CNOT6L: variants seen among roughly 807,000 people sequenced by gnomAD.
CNOT6L encodes CCR4-NOT transcription complex subunit 6 like.
CNOT6L carries 7 observed loss-of-function variants against 64.0 expected under a neutral mutation model. The ratio of observed to expected loss-of-function variants is 0.11; its 90% CI spans 0.06 to 0.21. The LOEUF (loss-of-function observed/expected upper bound fraction) is 0.21, where lower values mean the gene tolerates loss of function less well. Ranked by LOEUF, CNOT6L falls within the 10% of genes least tolerant of loss-of-function variation. CNOT6L has a pLI of 1.00. For missense variants in CNOT6L, 245 were observed against 669.0 expected (o/e 0.37, Z 6.99); for synonymous variants, 193 against 243.4 (o/e 0.79, Z 1.93).
At chr4:77,768,992 T>TA in intron 4 of CNOT6L, among the ~76,000 whole-genome samples, 1 of 152,308 alleles carries the variant, frequency 6.6e-6, no homozygotes, top group South Asian at 2.1e-4. Context: ...GTACTGCTTA[T>TA]AGTAGCCAAA....
rs1727135617 is a variant in CNOT6L, at chr4:77,768,479, ATATATATATATATATATATATAT to A, written c.400+4579_400+4601del. Among the ~76,000 whole-genome samples the A allele has an allele frequency of 7.9e-4, 3 of 3,782 alleles. 1 individual carries two copies. Among genetic ancestry groups the A allele is most frequent in the African/African-American group, 1.9e-3 (3 of 1,574 alleles). The allele number at this position is 3,782 out of a possible 152,430, so 2.5% of individuals were successfully genotyped here. On this transcript the variant is annotated intron_variant, in intron 4 of 11. Transcript: ENST00000504123. ...GACTCTGTCTAAAATAAATAAATAT[ATATATATATATATATATATATAT>A]ATATATATATATATTCTACTCATTA...
upstream of CNOT6L, chr4:77,819,500 G>A (rs550914647): frequency 1.7e-6 from 2 of 1,205,144 alleles, no homozygotes; most frequent in Admixed American, 2.5e-5. Flanking sequence ...GGAAGCCGCG[G>A]CGGCACACAG....
intron 1 of CNOT6L, among the ~76,000 whole-genome samples, chr4:77,786,107 C>G (rs1262792100): frequency 6.6e-6 from 1 of 151,852 alleles, no homozygotes; most frequent in Non-Finnish European, 1.5e-5. Flanking sequence ...ATGGTGAAAC[C>G]CCGTCTCTAC....
intron 1 of CNOT6L, among the ~76,000 whole-genome samples, chr4:77,795,022 T>TTA (rs1450152944): frequency 0.019 from 629 of 33,744 alleles, 1 homozygote; most frequent in Non-Finnish European, 0.03. Flanking sequence ...GAAATTTTTC[T>TTA]TTTTTTTTTT....
intron 11 of CNOT6L, among the ~76,000 whole-genome samples, chr4:77,724,690 T>G (rs1392796552): frequency 1.3e-5 from 2 of 152,048 alleles, no homozygotes; most frequent in Non-Finnish European, 2.9e-5. Flanking sequence ...ATTTTTTCTT[T>G]TTACCTACAC....
chr4:77,811,936 T>TA (rs1274028746), intron 1 of CNOT6L, among the ~76,000 whole-genome samples: 8 of 151,864 alleles, frequency 5.3e-5, no homozygotes, highest in African/African-American at 1.9e-4. Flanking sequence ...TGGAATGTTT[T>TA]CCCCCTAAGA....
At chr4:77,799,704 CAA>C (rs71214370) in intron 1 of CNOT6L, among the ~76,000 whole-genome samples, 1 of 90,918 alleles carries the variant, frequency 1.1e-5, no homozygotes, top group Admixed American at 1.3e-4. Flanking sequence ...AACTCCATCT[CAA>C]AAAAAAAAAA....
At chr4:77,750,807 C>G (rs1230255978) in intron 5 of CNOT6L, among the ~76,000 whole-genome samples, 2 of 152,170 alleles carry the variant, frequency 1.3e-5, no homozygotes, top group East Asian at 3.8e-4. Context: ...AGAGAGCCAA[C>G]CTTCCTCCCC....
chr4:77,749,683 C>T (rs1391472954), intron 5 of CNOT6L, among the ~76,000 whole-genome samples: 1 of 152,114 alleles, frequency 6.6e-6, no homozygotes, highest in African/African-American at 2.4e-5. Flanking sequence ...TCACTACTAA[C>T]CAGCAAAATT....
At chr4:77,792,022 A>T (rs1260831079) in intron 1 of CNOT6L, among the ~76,000 whole-genome samples, 1 of 152,194 alleles carries the variant, frequency 6.6e-6, no homozygotes, top group Non-Finnish European at 1.5e-5. Context: ...AATTACCCAG[A>T]GTTACTTTAC....
intron 1 of CNOT6L, among the ~76,000 whole-genome samples, chr4:77,809,314 G>T (rs940253840): frequency 6.6e-6 from 1 of 152,062 alleles, no homozygotes; most frequent in Non-Finnish European, 1.5e-5. Context: ...GTACTCAGTA[G>T]TCAAAAAAAT....
chr4:77,726,623 T>C (rs1484729352), intron 10 of CNOT6L, among the ~76,000 whole-genome samples: 4 of 152,220 alleles, frequency 2.6e-5, no homozygotes, highest in Non-Finnish European at 5.9e-5. Flanking sequence ...AAAGATATCC[T>C]TAGTTTTCTT....
intron 2 of CNOT6L, among the ~76,000 whole-genome samples, chr4:77,775,542 T>C (rs1371453198): frequency 6.6e-6 from 1 of 152,160 alleles, no homozygotes; most frequent in African/African-American, 2.4e-5. Context: ...CATGGTACAT[T>C]TGTCAAAACT....
intron 1 of CNOT6L, among the ~76,000 whole-genome samples, chr4:77,806,054 C>CT (rs1235718257): frequency 1.3e-5 from 2 of 152,132 alleles, no homozygotes; most frequent in Non-Finnish European, 2.9e-5. Flanking sequence ...TATATTTTAA[C>CT]TTTTTTTAAA....
At position 77,727,790 on chromosome 4, in the gene CNOT6L, A is replaced by C. The variant is rs533162814; in HGVS notation, c.1252+1064T>G. ...AATTCAACTTAAGAAAGGATTAAGAAAGGAGCATGTGGTTAAAGTGCCAAT... is the reference window on the plus strand; with the variant it reads ...AATTCAACTTAAGAAAGGATTAAGACAGGAGCATGTGGTTAAAGTGCCAAT... On this transcript the variant is annotated intron_variant, in intron 10 of 11. Coordinates refer to ENST00000504123, the MANE Select transcript of CNOT6L (RefSeq NM_144571.3). Among the ~76,000 whole-genome samples the C allele has an allele frequency of 5.9e-5, 9 of 152,322 alleles. No homozygotes were observed. In the South Asian group the frequency reaches 1.9e-3, roughly 32 times the overall value.
chr4:77,754,328 T>C (rs963093027), intron 5 of CNOT6L, among the ~76,000 whole-genome samples: 1 of 152,184 alleles, frequency 6.6e-6, no homozygotes, highest in African/African-American at 2.4e-5. Flanking sequence ...AAATGACTAT[T>C]TTTAAGCGAA....
At chr4:77,801,743 A>AAAT (rs940607192) in intron 1 of CNOT6L, among the ~76,000 whole-genome samples, 4 of 146,556 alleles carry the variant, frequency 2.7e-5, no homozygotes, top group African/African-American at 1.0e-4. Flanking sequence ...AACCCATTAT[A>AAAT]AGCCATGCAC....
intron 5 of CNOT6L, among the ~76,000 whole-genome samples, chr4:77,751,660 T>C (rs970966076): frequency 1.3e-5 from 2 of 152,230 alleles, no homozygotes; most frequent in Non-Finnish European, 2.9e-5. Context: ...AAATAGCATA[T>C]TACCTATAGG....
At chr4:77,804,814 A>G (rs1464154643) in intron 1 of CNOT6L, among the ~76,000 whole-genome samples, 6 of 152,162 alleles carry the variant, frequency 3.9e-5, no homozygotes, top group Non-Finnish European at 8.8e-5. Context: ...GTATTTATTA[A>G]TGAAAAAAGA....
Sources: allele counts gnomAD v4.1 joint callset (sites outside exome capture counted in the v4.1 genomes callset), GRCh38; gene constraint gnomAD v4.1.1; transcripts MANE v1.5; gene names NCBI Gene and HGNC (gene_info 2026-07-23, HGNC 2026-07-21).